Variants in EFTUD2 observed in about 807,000 individuals in gnomAD.
EFTUD2 encodes 116 kDa U5 small nuclear ribonucleoprotein component.
EFTUD2 carries 9 observed loss-of-function variants against 114.3 expected under a neutral mutation model. That is an observed-to-expected ratio of 0.08 (90% CI 0.05 to 0.14). The LOEUF is 0.14. Ranked by LOEUF, EFTUD2 falls within the 10% of genes least tolerant of loss-of-function variation. The pLI is 1.00. For missense variants in EFTUD2, 765 were observed against 1,241.2 expected (o/e 0.62, Z 5.76); for synonymous variants, 449 against 462.3 (o/e 0.97, Z 0.37).
chr17:44,891,445 G>C (rs1415921443), intron 2 of EFTUD2, among the ~76,000 whole-genome samples: 2 of 152,086 alleles, frequency 1.3e-5, no homozygotes, highest in Non-Finnish European at 2.9e-5. Flanking sequence ...AAATTCCTGG[G>C]CTCAAGCCAT....
intron 4 of EFTUD2, 74 bp downstream of exon 4, chr17:44,885,182 A>G: frequency 8.1e-7 from 1 of 1,239,548 alleles, no homozygotes. Flanking sequence ...TTCAGCCAAA[A>G]GCCACCTCTT....
At chr17:44,866,968 A>G (rs538908360) in intron 13 of EFTUD2, among the ~76,000 whole-genome samples, 36 of 152,252 alleles carry the variant, frequency 2.4e-4, no homozygotes, top group Middle Eastern at 3.4e-3. Flanking sequence ...TTAGCCAGGC[A>G]TGGTAGCTTG....
At position 44,850,986 on chromosome 17, in the gene EFTUD2, C is replaced by A; in HGVS notation, c.*288G>T. 2.5e-6 allele frequency: 1 copy of A among 407,120 alleles called. No homozygotes were observed. Among genetic ancestry groups the A allele is most frequent in the Non-Finnish European group, 4.5e-6 (1 of 221,982 alleles). The allele number at this position is 407,120 out of a possible 1,614,324, so 25.2% of individuals were successfully genotyped here. A position where few individuals can be genotyped will look rare whatever the true frequency, so the allele number is the denominator to read the frequency against. On this transcript the variant is annotated 3_prime_UTR_variant, in exon 28 of 28. Transcript: ENST00000426333. Reference sequence around the variant, plus strand: ...TAGAAAATAAAATTCCATGTAAATCCCAAAGATAGGGCCCCTTGGGGTTTC... The same window carrying A: ...TAGAAAATAAAATTCCATGTAAATCACAAAGATAGGGCCCCTTGGGGTTTC...
intron 14 of EFTUD2, 109 bp from the exon 15 acceptor site, chr17:44,863,891 T>G (rs2050700663): frequency 9.7e-6 from 14 of 1,436,798 alleles, no homozygotes; most frequent in Non-Finnish European, 1.3e-5. Flanking sequence ...GGGGACTGAT[T>G]GTTAGCTCTA....
chr17:44,875,959 C>T lies in EFTUD2; in HGVS notation c.844G>A (p.Val282Met). ...CTTATTAATCCATTGACCTCATCCA[C>T]AATGTGGCGCAGCTTGTAATAAGCA... ...TDAYYKLRHI[V>M]DEVNGLISMY... Residue 282 changes from valine to methionine, a missense_variant, in exon 10 of 28, where the codon GTG becomes ATG. Around this residue, in one of 6 missense-constraint regions of EFTUD2, gnomAD observed 251 missense variants for 357.7 expected, o/e 0.70. Coordinates refer to ENST00000426333, the MANE Select transcript of EFTUD2 (RefSeq NM_004247.4). 6.2e-7 allele frequency: 1 copy of T among 1,614,032 alleles called. No homozygotes were observed. Among genetic ancestry groups the T allele is most frequent in the African/African-American group, 1.3e-5 (1 of 75,042 alleles).
At chr17:44,894,170 G>A in intron 2 of EFTUD2, 2 of 409,670 alleles carry the variant, frequency 4.9e-6, no homozygotes, top group Admixed American at 3.6e-5. Context: ...GAGCTCAGGA[G>A]TTCAAGACCA....
rs752381983 is a variant in EFTUD2, at chr17:44,853,331, G to A, written c.2526C>T (p.Cys842=). 1.4e-5 allele frequency: 23 copies of A among 1,613,916 alleles called. 1 individual carries two copies. In the East Asian group the frequency reaches 4.0e-4, roughly 28 times the overall value. Residue 842 remains cysteine (C), a synonymous_variant, in exon 25 of 28, where the codon TGC becomes TGT. Transcript: ENST00000426333. ...CCAGGACGGTATAAACTGCAGAGAC[G>A]CAATCTGCAGGGGCCTGGACCTCTA... The part of the protein sequence containing the change: ...YFVEVQAPAD[C]VSAVYTVLAR...
intron 13 of EFTUD2, among the ~76,000 whole-genome samples, chr17:44,867,488 C>T (rs950389572): frequency 7.9e-5 from 12 of 151,652 alleles, no homozygotes; most frequent in Admixed American, 3.9e-4. Context: ...TTGGTGGAGA[C>T]GGGGTTTCAT....
intron 14 of EFTUD2, 107 bp from the exon 15 acceptor site, chr17:44,863,889 A>T: frequency 7.0e-7 from 1 of 1,437,984 alleles, no homozygotes; most frequent in Non-Finnish European, 9.4e-7. Flanking sequence ...GCGGGGACTG[A>T]TTGTTAGCTC....
chr17:44,863,533 T>C (rs530892066), intron 15 of EFTUD2, 122 bp downstream of exon 15: 2 of 1,403,066 alleles, frequency 1.4e-6, no homozygotes, highest in South Asian at 2.7e-5. Context: ...GGCCTGACTG[T>C]GCTCATGGGG....
intron 18 of EFTUD2, chr17:44,859,448 A>G: frequency 5.5e-6 from 3 of 548,952 alleles, no homozygotes; most frequent in Non-Finnish European, 9.8e-6. Context: ...ACTCTACCCT[A>G]TACCCATGGA....
intron 19 of EFTUD2, among the ~76,000 whole-genome samples, chr17:44,858,654 C>G (rs1423675311): frequency 1.3e-5 from 2 of 151,766 alleles, no homozygotes; most frequent in East Asian, 3.9e-4. Flanking sequence ...CTATGTTGCC[C>G]AGATTGGTCT....
intron 6 of EFTUD2, 185 bp from the exon 7 acceptor site, chr17:44,881,907 C>A: frequency 1.7e-6 from 1 of 590,420 alleles, no homozygotes. Flanking sequence ...GCTGGAAATG[C>A]TCCTGGGTGT....
At chr17:44,869,212 C>T (rs887788378) in intron 11 of EFTUD2, among the ~76,000 whole-genome samples, 3 of 152,186 alleles carry the variant, frequency 2.0e-5, no homozygotes, top group Non-Finnish European at 4.4e-5. Context: ...CCCTTCTTTC[C>T]CACATTGTTA....
chr17:44,854,987 A>G lies in EFTUD2; in HGVS notation c.2063T>C (p.Ile688Thr). 6.2e-7 allele frequency: 1 copy of G among 1,614,160 alleles called. No homozygotes were observed. The highest frequency in any genetic ancestry group is 8.5e-7 in the Non-Finnish European group (1 of 1,180,008). Residue 688 changes from isoleucine (I) to threonine (T), a missense_variant, in exon 21 of 28, where the codon ATT (isoleucine) becomes ACT (threonine). Physicochemically the swap from Ile to Thr is moderately conservative, Grantham distance 89 (BLOSUM62 -1). Coordinates refer to ENST00000426333, the MANE Select transcript of EFTUD2 (RefSeq NM_004247.4). The surrounding 1 kb of genome is among the most constrained non-coding windows in gnomAD (Gnocchi z 4.3). Reference sequence around the variant, plus strand: ...CAGGCCCTTCTCAAGAGGCTCAGCAATCATGGTGATCTTGTTCCTGGTCAG... The same window carrying G: ...CAGGCCCTTCTCAAGAGGCTCAGCAGTCATGGTGATCTTGTTCCTGGTCAG... ...TPNKKNKITM[I>T]AEPLEKGLAE...
intron 16 of EFTUD2, 28 bp downstream of exon 16, chr17:44,862,685 A>G (rs2050679306): frequency 6.3e-7 from 1 of 1,599,254 alleles, no homozygotes; most frequent in Non-Finnish European, 8.5e-7. Flanking sequence ...ACACCAAGGC[A>G]TACTCCTGGG....
In EFTUD2 at chr17:44,859,355, C is replaced by T. The variant is rs2289678; in HGVS notation, c.1861-174G>A. 1.9e-4 allele frequency: 116 copies of T among 624,464 alleles called. 1 individual carries two copies. In the East Asian group the frequency reaches 3.2e-3, roughly 17 times the overall value. The allele number at this position is 624,464 out of a possible 1,614,324, so 38.7% of individuals were successfully genotyped here. On this transcript the variant is annotated intron_variant, in intron 18 of 27. Coordinates refer to ENST00000426333, the MANE Select transcript of EFTUD2 (RefSeq NM_004247.4). The stretch of plus-strand genomic sequence containing the variant: ...GAGGAGCATCTGCCTATGAGTGGGT[C>T]CTCAAGACACCAGGACCACTCAGCA...
chr17:44,878,675 G>A (rs919880373), intron 9 of EFTUD2, among the ~76,000 whole-genome samples: 2 of 149,366 alleles, frequency 1.3e-5, no homozygotes. Context: ...GTACACACCT[G>A]TCTCTCTGTG....
intron 10 of EFTUD2, among the ~76,000 whole-genome samples, chr17:44,873,898 A>ATTTTTTTTTTTTTTTTT (rs1054585104): frequency 2.0e-5 from 3 of 149,448 alleles, no homozygotes; most frequent in Middle Eastern, 3.4e-3. Flanking sequence ...AGCCCGGCTA[A>ATTTTTTTTTTTTTTTTT]TTTTTTTTGT....
Sources: allele counts gnomAD v4.1 joint callset (sites outside exome capture counted in the v4.1 genomes callset), GRCh38; gene constraint gnomAD v4.1.1; regional missense constraint gnomAD v4.1.1; non-coding constraint Gnocchi (gnomAD v3.1); transcripts MANE v1.5; gene names NCBI Gene and HGNC (gene_info 2026-07-23, HGNC 2026-07-21).